The following RAB11A variants were observed in gnomAD, a reference collection of about 807,000 sequenced individuals.
The protein encoded by RAB11A is RAB11A, member RAS oncogene family, also known as ras-related protein Rab-11A.
A neutral mutation model predicts 28.0 loss-of-function variants in RAB11A; 9 were observed. The observed-to-expected ratio is 0.32, with a 90% confidence interval of 0.19 to 0.56. RAB11A has a LOEUF of 0.56. RAB11A is among the 20% of genes least tolerant of loss of function. The pLI, the probability that RAB11A is intolerant of heterozygous loss-of-function variation, is 0.91. For missense variants in RAB11A, 108 were observed against 269.6 expected (o/e 0.40, Z 4.20); for synonymous variants, 85 against 88.2 (o/e 0.96, Z 0.20).
rs2078219924 is a variant in RAB11A at position 65,881,122 on chromosome 15, A to G, written c.511+1371A>G. On this transcript the variant is annotated intron_variant, in intron 4 of 4. Transcript: ENST00000261890. ...TATTTTATTATAATTCTTTTCTGTTATCAGAAGAATAGTGCTGGGGTTGGA... is the reference window on the plus strand; with the variant it reads ...TATTTTATTATAATTCTTTTCTGTTGTCAGAAGAATAGTGCTGGGGTTGGA... Among the ~76,000 whole-genome samples the G allele has an allele frequency of 2.6e-5, 4 of 152,340 alleles. No homozygotes were observed. The South Asian group carries it at 8.3e-4, about 32-fold the overall frequency.
intron 4 of RAB11A, among the ~76,000 whole-genome samples, chr15:65,887,006 C>T (rs145415866): frequency 1.2e-4 from 19 of 152,104 alleles, no homozygotes; most frequent in South Asian, 6.2e-4. Context: ...TGTACTCTGC[C>T]GAATGCGTCT....
chr15:65,873,719 A>G (rs201015028), intron 1 of RAB11A, among the ~76,000 whole-genome samples: 1 of 142,608 alleles, frequency 7.0e-6, no homozygotes, highest in Non-Finnish European at 1.5e-5. Context: ...ATGCCTGGCT[A>G]TTTTTTTTTT....
intron 4 of RAB11A, among the ~76,000 whole-genome samples, chr15:65,882,268 GTGT>G (rs2078227686): frequency 6.6e-6 from 1 of 152,232 alleles, no homozygotes; most frequent in African/African-American, 2.4e-5. Flanking sequence ...GCAGACATCT[GTGT>G]TGTTCTGCAG....
chr15:65,876,160 T>A (rs1159229657), intron 1 of RAB11A, among the ~76,000 whole-genome samples: 1 of 152,208 alleles, frequency 6.6e-6, no homozygotes, highest in Non-Finnish European at 1.5e-5. Flanking sequence ...TGAAAAAGAA[T>A]CTCCATGTAT....
intron 1 of RAB11A, among the ~76,000 whole-genome samples, chr15:65,873,830 TC>T (rs1417655272): frequency 6.6e-6 from 1 of 151,918 alleles, no homozygotes; most frequent in Non-Finnish European, 1.5e-5. Flanking sequence ...GCTCAAGGGA[TC>T]CTCCCACCTT....
At position 65,869,515 on chromosome 15, in the gene RAB11A, C is replaced by T. The variant is rs779248059; in HGVS notation, c.-71C>T. 4 of 1,579,092 alleles carry T rather than the reference C, an allele frequency of 2.5e-6. No homozygotes were observed. The highest frequency in any genetic ancestry group is 3.4e-6 in the Non-Finnish European group (4 of 1,164,080). ...CAGTTGAAGCTCGGCGCTCGGGTTA[C>T]CCCTGCAGCGACGCCCCCTGGTCCC... is the stretch of plus-strand genomic sequence containing the variant. On this transcript the variant is annotated 5_prime_UTR_variant, in exon 1 of 5. Coordinates refer to ENST00000261890, the MANE Select transcript of RAB11A (RefSeq NM_004663.5).
chr15:65,873,704 C>T (rs1360267288), intron 1 of RAB11A, among the ~76,000 whole-genome samples: 1 of 151,946 alleles, frequency 6.6e-6, no homozygotes, highest in Non-Finnish European at 1.5e-5. Context: ...CAAATGTGCT[C>T]CACCATGCCT....
chr15:65,886,094 C>T (rs1225208303), intron 4 of RAB11A, among the ~76,000 whole-genome samples: 1 of 152,218 alleles, frequency 6.6e-6, no homozygotes, highest in Non-Finnish European at 1.5e-5. Flanking sequence ...ACTTCAGCTT[C>T]ATCCTGTGCC....
intron 4 of RAB11A, 101 bp from the exon 5 acceptor site, chr15:65,887,600 A>T: frequency 8.6e-7 from 1 of 1,165,878 alleles, no homozygotes; most frequent in Non-Finnish European, 1.2e-6. Flanking sequence ...CAGTTTCCTT[A>T]GGGACTTTGA....
chr15:65,877,062 T>C lies in RAB11A; in HGVS notation c.41-270T>C, dbSNP rs1268979366. Among the ~76,000 whole-genome samples the C allele has an allele frequency of 6.6e-6, 1 of 152,226 alleles. No homozygotes were observed. The highest frequency in any genetic ancestry group is 1.9e-4 in the East Asian group (1 of 5,204). Reference sequence around the variant, plus strand: ...GCATCTGTGATTAAAACTGCATGTTTAAGACAGGGTACCGTATCTGTGCTA... The same window carrying C: ...GCATCTGTGATTAAAACTGCATGTTCAAGACAGGGTACCGTATCTGTGCTA... On this transcript the variant is annotated intron_variant, in intron 1 of 4. Coordinates refer to ENST00000261890, the MANE Select transcript of RAB11A (RefSeq NM_004663.5). This position sits in a 1 kb window ranked among gnomAD's most constrained non-coding sequence, Gnocchi z 4.1.
intron 1 of RAB11A, among the ~76,000 whole-genome samples, chr15:65,873,076 T>C (rs917375274): frequency 1.3e-5 from 2 of 152,262 alleles, no homozygotes; most frequent in Non-Finnish European, 2.9e-5. Context: ...GGACAATTAT[T>C]CTAAATTATG....
intron 1 of RAB11A, among the ~76,000 whole-genome samples, chr15:65,876,451 C>A (rs2078191924): frequency 6.6e-6 from 1 of 152,016 alleles, no homozygotes; most frequent in East Asian, 1.9e-4. Flanking sequence ...CGCCCACCAC[C>A]ACACCTGGCT....
intron 1 of RAB11A, among the ~76,000 whole-genome samples, chr15:65,875,615 G>T (rs190908848): frequency 1.2e-4 from 18 of 152,292 alleles, no homozygotes; most frequent in African/African-American, 4.1e-4. Context: ...CATTCTTTGT[G>T]CTGCATTGGA....
chr15:65,879,438 G>T (rs1360370461), intron 3 of RAB11A, among the ~76,000 whole-genome samples: 1 of 151,408 alleles, frequency 6.6e-6, no homozygotes, highest in Middle Eastern at 3.2e-3. Context: ...TTGAGGCCAG[G>T]AGTTCAAGAC....
At chr15:65,879,873 C>G in intron 4 of RAB11A, 122 bp downstream of exon 4, 1 of 715,816 alleles carries the variant, frequency 1.4e-6, no homozygotes. Flanking sequence ...GAGAGCTACT[C>G]TAGCAAAAGC....
At chr15:65,874,508 T>A (rs1421068656) in intron 1 of RAB11A, among the ~76,000 whole-genome samples, 1 of 152,164 alleles carries the variant, frequency 6.6e-6, no homozygotes, top group Non-Finnish European at 1.5e-5. Context: ...TCCAAAGTGC[T>A]GGGATTACAG....
chr15:65,881,807 T>A (rs1169286671), intron 4 of RAB11A, among the ~76,000 whole-genome samples: 1 of 148,058 alleles, frequency 6.8e-6, no homozygotes, highest in Non-Finnish European at 1.5e-5. Flanking sequence ...ACAACACAGA[T>A]GTCTGCTGCC....
In RAB11A at chr15:65,877,656, T is replaced by A; in HGVS notation, c.237-106T>A. The A allele has an allele frequency of 7.5e-7, 1 of 1,325,010 alleles. No individual in the cohort carries two copies. The allele number at this position is 1,325,010 out of a possible 1,614,324, so 82.1% of individuals were successfully genotyped here. A position where few individuals can be genotyped will look rare whatever the true frequency, so the allele number is the denominator to read the frequency against. ...TCTAGTATTAGGAATCCTTAGAAAT[T>A]TATTTATAAGTATGTTTTTAAAACT... On this transcript the variant is annotated intron_variant, in intron 2 of 4. Coordinates refer to ENST00000261890, the MANE Select transcript of RAB11A (RefSeq NM_004663.5). This position sits in a 1 kb window ranked among gnomAD's most constrained non-coding sequence, Gnocchi z 4.1.
In RAB11A at chr15:65,888,872, T is replaced by C. The variant is rs1264731214; in HGVS notation, c.*1032T>C. The C allele has an allele frequency of 6.6e-6, 1 of 152,462 alleles. No homozygotes were observed. Among genetic ancestry groups the C allele is most frequent in the Non-Finnish European group, 1.5e-5 (1 of 68,016 alleles). 9.4% of individuals were successfully genotyped at this position (152,462 alleles called of 1,614,324 possible). A position where few individuals can be genotyped will look rare whatever the true frequency, so the allele number is the denominator to read the frequency against. On this transcript the variant is annotated 3_prime_UTR_variant, in exon 5 of 5. Coordinates refer to ENST00000261890, the MANE Select transcript of RAB11A (RefSeq NM_004663.5). ...CTTTGGTTTCAGTATGTCTGAAGAG[T>C]ACAGTGAGAGGTTAATTTCTGCTCA... is the stretch of plus-strand genomic sequence containing the variant.
Sources: gnomAD v4.1 joint callset for allele counts (sites outside exome capture counted in the v4.1 genomes callset) on GRCh38, gnomAD v4.1.1 for gene constraint, Gnocchi (gnomAD v3.1) non-coding constraint, MANE v1.5 for transcripts, NCBI Gene and HGNC (gene_info 2026-07-23, HGNC 2026-07-21) for gene names.